Variants in SOX5 observed in about 807,000 individuals in gnomAD.
The protein encoded by SOX5 is SRY-box transcription factor 5, also known as transcription factor SOX-5.
A neutral mutation model predicts 92.0 loss-of-function variants in SOX5; 9 were observed. That is an observed-to-expected ratio of 0.10 (90% CI 0.06 to 0.17). The LOEUF (loss-of-function observed/expected upper bound fraction) is 0.17, where lower values mean the gene tolerates loss of function less well. Ranked by LOEUF, SOX5 falls within the 10% of genes least tolerant of loss-of-function variation. SOX5 has a pLI of 1.00. For missense variants in SOX5, 642 were observed against 944.5 expected, an observed-to-expected ratio of 0.68 and a Z score of 4.20; for synonymous variants, 344 against 336.3, an observed-to-expected ratio of 1.02 and a Z score of -0.25.
At chr12:24,465,650 T>TA (rs1449959594) in intron 1 of SOX5, among the ~76,000 whole-genome samples, 4 of 152,206 alleles carry the variant, frequency 2.6e-5, no homozygotes, top group Non-Finnish European at 5.9e-5. Context: ...ATCACATCTG[T>TA]ATGACAGTCT....
At chr12:23,882,361 A>G (rs182435485) in intron 2 of SOX5, among the ~76,000 whole-genome samples, 2 of 151,426 alleles carry the variant, frequency 1.3e-5, no homozygotes, top group East Asian at 3.9e-4. Context: ...TTAAAAAGTA[A>G]GCGGATATAC....
At chr12:24,507,945 G>C (rs1007897178) in intron 1 of SOX5, among the ~76,000 whole-genome samples, 1 of 152,020 alleles carries the variant, frequency 6.6e-6, no homozygotes, top group Non-Finnish European at 1.5e-5. Flanking sequence ...CCAGCCATGA[G>C]TTGAGATGCT....
chr12:23,674,506 T>G (rs2085346175), intron 6 of SOX5, among the ~76,000 whole-genome samples: 1 of 151,502 alleles, frequency 6.6e-6, no homozygotes, highest in African/African-American at 2.4e-5. Flanking sequence ...TCCGGCTAAG[T>G]TTTGTATTTT....
At chr12:24,217,970 T>G (rs1226679313) in intron 3 of SOX5, among the ~76,000 whole-genome samples, 1 of 152,094 alleles carries the variant, frequency 6.6e-6, no homozygotes, top group Non-Finnish European at 1.5e-5. Flanking sequence ...ACAAGACAGA[T>G]AATTACAAGC....
chr12:23,544,400 G>A (rs943113501), intron 12 of SOX5, among the ~76,000 whole-genome samples: 2 of 152,186 alleles, frequency 1.3e-5, no homozygotes, highest in African/African-American at 4.8e-5. Flanking sequence ...GATGTATTTT[G>A]ATAGTATCCA....
At chr12:24,195,911 GT>G (rs2139466365) in intron 4 of SOX5, among the ~76,000 whole-genome samples, 1 of 152,248 alleles carries the variant, frequency 6.6e-6, no homozygotes, top group African/African-American at 2.4e-5. Flanking sequence ...TTGAAACAGG[GT>G]CTCATTCTGT....
chr12:23,822,930 G>A (rs779522014), intron 3 of SOX5, among the ~76,000 whole-genome samples: 1 of 130,348 alleles, frequency 7.7e-6, no homozygotes, highest in Non-Finnish European at 1.6e-5. Context: ...GTTTTTATCA[G>A]AGACTAGGAC....
At chr12:24,226,346 C>T (rs1961973267) in intron 3 of SOX5, among the ~76,000 whole-genome samples, 1 of 152,112 alleles carries the variant, frequency 6.6e-6, no homozygotes, top group Admixed American at 6.5e-5. Context: ...ATGTGCCCTT[C>T]TTTCTTATGC....
chr12:24,024,232 T>G (rs991765166), intron 4 of SOX5, among the ~76,000 whole-genome samples: 2 of 152,062 alleles, frequency 1.3e-5, no homozygotes, highest in Non-Finnish European at 2.9e-5. Context: ...TTTATTTTAC[T>G]TTCCAGGACA....
At chr12:24,335,270 A>C (rs1437032414) in intron 2 of SOX5, among the ~76,000 whole-genome samples, 1 of 16,032 alleles carries the variant, frequency 6.2e-5, no homozygotes, top group Non-Finnish European at 1.5e-4. Context: ...AGAGGGGCCC[A>C]AAAAAACAGC....
intron 1 of SOX5, among the ~76,000 whole-genome samples, chr12:24,525,953 C>T (rs925130914): frequency 3.9e-5 from 6 of 152,022 alleles, no homozygotes; most frequent in Non-Finnish European, 8.8e-5. Context: ...TCACTGCAGC[C>T]CCGCACTCCT....
intron 3 of SOX5, among the ~76,000 whole-genome samples, chr12:23,802,680 T>C (rs1039749372): frequency 6.6e-6 from 1 of 152,222 alleles, no homozygotes; most frequent in East Asian, 1.9e-4. Flanking sequence ...ATATCAGCTA[T>C]AATTGTTTTG....
At chr12:23,814,737 A>G (rs1262621262) in intron 3 of SOX5, among the ~76,000 whole-genome samples, 1 of 152,246 alleles carries the variant, frequency 6.6e-6, no homozygotes, top group African/African-American at 2.4e-5. Context: ...AAAGCACGTT[A>G]GAGACTGAAG....
chr12:24,202,829 T>C (rs1957656026), intron 4 of SOX5, among the ~76,000 whole-genome samples: 2 of 152,342 alleles, frequency 1.3e-5, no homozygotes, highest in Middle Eastern at 3.4e-3. Context: ...ATCTCATTAC[T>C]GGTGATGTTA....
chr12:24,449,803 C>T (rs1566192735), intron 1 of SOX5, among the ~76,000 whole-genome samples: 1 of 152,140 alleles, frequency 6.6e-6, no homozygotes, highest in Non-Finnish European at 1.5e-5. Flanking sequence ...TCAAATCACA[C>T]TCATCCACCA....
At chr12:24,031,342 T>C (rs1251795540) in intron 4 of SOX5, among the ~76,000 whole-genome samples, 1 of 151,718 alleles carries the variant, frequency 6.6e-6, no homozygotes, top group African/African-American at 2.4e-5. Context: ...GAAAATGTGA[T>C]ACATCTATAC....
chr12:24,110,856 G>C (rs538580058), intron 4 of SOX5, among the ~76,000 whole-genome samples: 1 of 138,240 alleles, frequency 7.2e-6, no homozygotes, highest in African/African-American at 2.7e-5. Flanking sequence ...AGTTGAGATC[G>C]TGCCACTGTA....
chr12:24,148,602 C>A (rs182580638), intron 4 of SOX5, among the ~76,000 whole-genome samples: 1 of 143,860 alleles, frequency 7.0e-6, no homozygotes, highest in Non-Finnish European at 1.5e-5. Context: ...TTAATCCCAG[C>A]GACTCAGGAG....
upstream of SOX5, chr12:23,949,766 GTC>G (rs143438082): frequency 0.19 from 84,699 of 451,158 alleles, 11 homozygotes; most frequent in East Asian, 0.27. Flanking sequence ...CTCTCTCTCT[GTC>G]TCTCTCTCTC....
Sources: gnomAD v4.1 joint callset for allele counts (sites outside exome capture counted in the v4.1 genomes callset) on GRCh38, gnomAD v4.1.1 for gene constraint, MANE v1.5 for transcripts, NCBI Gene and HGNC (gene_info 2026-07-23, HGNC 2026-07-21) for gene names.